The following POLR3D variants were observed in gnomAD, a reference collection of about 807,000 sequenced individuals.
POLR3D encodes the protein RNA polymerase III subunit D.
Under a neutral mutation model 44.5 loss-of-function variants are expected in POLR3D, and 42 were observed. The ratio of observed to expected loss-of-function variants is 0.94; its 90% confidence interval spans 0.74 to 1.22. The LOEUF (loss-of-function observed/expected upper bound fraction) is 1.22, where lower values mean the gene tolerates loss of function less well. Among genes scored for constraint, POLR3D ranks in the 50% most tolerant of loss-of-function variants. The pLI is 0.00. For missense variants in POLR3D, 507 were observed against 505.2 expected (o/e 1.00, Z -0.03); for synonymous variants, 217 against 198.1 (o/e 1.10, Z -0.80).
In POLR3D at chr8:22,254,575, AT is replaced by A. The variant is rs1374392586; in HGVS notation, c.*4059del. ...ACATACTTCTGAATTAGCCGAAGGA[AT>A]TAAAGGTAGCATCTTTTAATCCTCA... On this transcript the variant is annotated 3_prime_UTR_variant, in exon 9 of 9. Transcript: ENST00000306433. The A allele has an allele frequency of 2.0e-5, 3 of 152,254 alleles. No individual in the cohort carries two copies. Among genetic ancestry groups the A allele is most frequent in the Non-Finnish European group, 2.9e-5 (2 of 68,044 alleles). The allele number at this position is 152,254 out of a possible 1,614,324, so 9.4% of individuals were successfully genotyped here.
chr8:22,247,388 G>A (rs1830054537), intron 3 of POLR3D, 124 bp downstream of exon 3: 3 of 676,462 alleles, frequency 4.4e-6, no homozygotes, highest in Admixed American at 5.2e-5. Context: ...CTTTTCACTA[G>A]TGATTTTCAA....
rs1020383621 is a variant in POLR3D, at chr8:22,245,156, C to G, written c.-33C>G. 1 of 585,260 alleles carries G rather than the reference C, an allele frequency of 1.7e-6. No homozygotes were observed. Among genetic ancestry groups the G allele is most frequent in the Admixed American group, 2.3e-5 (1 of 42,568 alleles). The allele number at this position is 585,260 out of a possible 1,614,324, so 36.3% of individuals were successfully genotyped here. A position where few individuals can be genotyped will look rare whatever the true frequency, so the allele number is the denominator to read the frequency against. Reference sequence around the variant, plus strand: ...GCAGACTTCCGCCCGGCGCGGAGACCGAAGGCTGGCGGCTGGTCGCGTTGC... The same window carrying G: ...GCAGACTTCCGCCCGGCGCGGAGACGGAAGGCTGGCGGCTGGTCGCGTTGC... On this transcript the variant is annotated 5_prime_UTR_variant, in exon 1 of 9. Coordinates refer to ENST00000306433, the MANE Select transcript of POLR3D (RefSeq NM_001722.3).
Position 22,250,539 on chromosome 8 carries a change from C to T in POLR3D, c.*21C>T, listed in dbSNP as rs201418556. 5.6e-3 allele frequency: 8,977 copies of T among 1,613,936 alleles called. 43 individuals are homozygous for T. The highest frequency in any genetic ancestry group is 6.9e-3 in the Non-Finnish European group (8,132 of 1,179,924). On this transcript the variant is annotated 3_prime_UTR_variant, in exon 9 of 9. Coordinates refer to ENST00000306433, the MANE Select transcript of POLR3D (RefSeq NM_001722.3). ...GGTAAAATGAGCAGGTGGAGGAGGA[C>T]GGCGCCTGTGCCCACGGCTGCTGCC...
intron 2 of POLR3D, 133 bp downstream of exon 2, chr8:22,245,747 T>G (rs964542807): frequency 4.6e-5 from 24 of 516,462 alleles, no homozygotes; most frequent in Non-Finnish European, 4.8e-5. Context: ...CCTCTTTAAA[T>G]TCTAGGGAGT....
In POLR3D at chr8:22,245,518, CCGGGGGCTCAT is replaced by C; in HGVS notation, c.74_84del (p.Gly25AlafsTer55). ...GGCCCCGACCTCTCCTGACTGGGGC[CCGGGGGCTCAT>C]CGGGCGGCGGCCGGCGCCTCCCCTC... On this transcript the variant is annotated frameshift_variant, in exon 2 of 9. Transcript: ENST00000306433. LOFTEE classifies it high-confidence loss of function. 7.8e-7 allele frequency: 1 copy of C among 1,281,710 alleles called. No individual in the cohort carries two copies. The allele number at this position is 1,281,710 out of a possible 1,614,324, so 79.4% of individuals were successfully genotyped here. A position where few individuals can be genotyped will look rare whatever the true frequency, so the allele number is the denominator to read the frequency against.
At chr8:22,248,057 G>A in intron 4 of POLR3D, 49 bp downstream of exon 4, 1 of 1,608,134 alleles carries the variant, frequency 6.2e-7, no homozygotes, top group African/African-American at 1.3e-5. Context: ...CCCAGAGAAG[G>A]GCGAGAACAG....
rs200322424 is a variant in POLR3D at position 22,248,191 on chromosome 8, A to G, written c.399A>G (p.Gly133=). 1 of 1,614,134 alleles carries G rather than the reference A, an allele frequency of 6.2e-7. No individual in the cohort carries two copies. The highest frequency in any genetic ancestry group is 8.5e-7 in the Non-Finnish European group (1 of 1,180,012). The change falls in exon 5 of 9, where the codon GGA becomes GGG. Residue 133 remains glycine (G), a synonymous_variant. Transcript: ENST00000306433. ...WDKTVDVSDM[G]PSHIINIKKE... is the part of the protein sequence containing the mutation. Reference sequence around the variant, plus strand: ...AGACAGTGGATGTGTCAGACATGGGACCTTCTCATATCATCAACATCAAAA... The same window carrying G: ...AGACAGTGGATGTGTCAGACATGGGGCCTTCTCATATCATCAACATCAAAA...
At chr8:22,246,663 C>G (rs1385249828) in intron 2 of POLR3D, among the ~76,000 whole-genome samples, 1 of 152,178 alleles carries the variant, frequency 6.6e-6, no homozygotes, top group Non-Finnish European at 1.5e-5. Flanking sequence ...CCAGGCTGAT[C>G]TTGAACTCCT....
At position 22,250,255 on chromosome 8, in the gene POLR3D, G is replaced by C. The variant is rs772032638; in HGVS notation, c.1074+28G>C. 3 of 1,613,456 alleles carry C rather than the reference G, an allele frequency of 1.9e-6. No homozygotes were observed. In the East Asian group the frequency reaches 6.7e-5, roughly 36 times the overall value. On this transcript the variant is annotated intron_variant, in intron 8 of 8. Transcript: ENST00000306433. ...AAGAGCCTCCTTAGGGGCAAGGAGG[G>C]ACCCTTTCAGGAGTGAAGGAGGATT...
Position 22,245,663 on chromosome 8 carries a change from G to A in POLR3D, c.165+49G>A, listed in dbSNP as rs186316870. The A allele has an allele frequency of 6.1e-5, 74 of 1,206,188 alleles. No individual in the cohort carries two copies. In the East Asian group the frequency reaches 2.2e-3, roughly 36 times the overall value. 74.7% of individuals were successfully genotyped at this position (1,206,188 alleles called of 1,614,324 possible). On this transcript the variant is annotated intron_variant, in intron 2 of 8. Coordinates refer to ENST00000306433, the MANE Select transcript of POLR3D (RefSeq NM_001722.3). Reference sequence around the variant, plus strand: ...GAAACTCAACTACCTTGAATTCCAAGCCCCAGGATTCAACTAATGTTTGTG... The same window carrying A: ...GAAACTCAACTACCTTGAATTCCAAACCCCAGGATTCAACTAATGTTTGTG...
At chr8:22,250,025 T>C (rs909119807) in intron 7 of POLR3D, 50 bp from the exon 8 acceptor site, 6 of 1,603,614 alleles carry the variant, frequency 3.7e-6, no homozygotes, top group African/African-American at 2.7e-5. Context: ...TCATGAAAGA[T>C]GGAGGAAAGA....
chr8:22,248,060 G>A (rs1830061451), intron 4 of POLR3D, 52 bp downstream of exon 4: 20 of 1,607,458 alleles, frequency 1.2e-5, no homozygotes, highest in African/African-American at 2.7e-5. Flanking sequence ...AGAGAAGGGC[G>A]AGAACAGTGG....
intron 6 of POLR3D, 144 bp downstream of exon 6, chr8:22,248,793 A>G: frequency 2.2e-6 from 2 of 893,660 alleles, no homozygotes; most frequent in East Asian, 2.5e-5. Context: ...GAGCTGAACA[A>G]AGATGCTCCA....
At position 22,254,536 on chromosome 8, in the gene POLR3D, G is replaced by C. The variant is rs1378429831; in HGVS notation, c.*4018G>C. ...ACATCCAGTTCTTCCATGTTAATGA[G>C]TATGTTGTGTTTCACATACTTCTGA... On this transcript the variant is annotated 3_prime_UTR_variant, in exon 9 of 9. Coordinates refer to ENST00000306433, the MANE Select transcript of POLR3D (RefSeq NM_001722.3). 1 of 152,178 alleles carries C rather than the reference G, an allele frequency of 6.6e-6. No individual in the cohort carries two copies. The highest frequency in any genetic ancestry group is 1.5e-5 in the Non-Finnish European group (1 of 68,036). 9.4% of individuals were successfully genotyped at this position (152,178 alleles called of 1,614,324 possible).
At chr8:22,245,993 C>G (rs1210551474) in intron 2 of POLR3D, among the ~76,000 whole-genome samples, 1 of 152,188 alleles carries the variant, frequency 6.6e-6, no homozygotes, top group African/African-American at 2.4e-5. Flanking sequence ...AACTTTTTAT[C>G]TAGAGTATGA....
intron 2 of POLR3D, among the ~76,000 whole-genome samples, chr8:22,246,353 C>T (rs190947626): frequency 8.6e-5 from 13 of 152,000 alleles, no homozygotes; most frequent in Middle Eastern, 3.4e-3. Context: ...TTCTTGAACC[C>T]CTGACCTCGT....
chr8:22,247,337 C>A, intron 3 of POLR3D, 73 bp downstream of exon 3: 1 of 1,185,824 alleles, frequency 8.4e-7, no homozygotes, highest in Non-Finnish European at 1.2e-6. Context: ...GGGGAAATAA[C>A]TAGGTTTGTA....
At chr8:22,247,345 G>A in intron 3 of POLR3D, 81 bp downstream of exon 3, 2 of 1,044,658 alleles carry the variant, frequency 1.9e-6, no homozygotes, top group Non-Finnish European at 2.9e-6. Flanking sequence ...AACTAGGTTT[G>A]TAGCTCCAAA....
intron 7 of POLR3D, 88 bp downstream of exon 7, chr8:22,249,397 C>A: frequency 2.1e-6 from 3 of 1,442,034 alleles, no homozygotes; most frequent in Admixed American, 1.8e-5. Flanking sequence ...CCGTGTCACC[C>A]TGGCTGAAAT....
Sources: gnomAD v4.1 joint callset for allele counts (sites outside exome capture counted in the v4.1 genomes callset) on GRCh38, gnomAD v4.1.1 for gene constraint, MANE v1.5 for transcripts, NCBI Gene and HGNC (gene_info 2026-07-23, HGNC 2026-07-21) for gene names.